SYTL2: variants seen among roughly 807,000 people sequenced by gnomAD.
The protein encoded by SYTL2 is synaptotagmin-like protein 2.
A neutral mutation model predicts 198.7 loss-of-function variants in SYTL2; 165 were observed. That is an observed-to-expected ratio of 0.83 (90% CI 0.73 to 0.94). The LOEUF is 0.94. SYTL2 is among the 40% of genes least tolerant of loss of function. The probability of loss-of-function intolerance (pLI) is 0.00; values close to 1 mark genes in which losing one functional copy is unlikely to be tolerated. For synonymous variants in SYTL2, 966 were observed against 917.7 expected (o/e 1.05, Z -0.95); for missense variants, 2,835 against 2,582.8 (o/e 1.10, Z -2.12).
chr11:85,724,553 G>C lies in SYTL2; in HGVS notation c.4805C>G (p.Thr1602Ser), dbSNP rs768366947. Residue 1602 changes from threonine to serine, a missense_variant, in exon 8 of 20, where the codon ACC becomes AGC. By Grantham distance (58) the Thr-to-Ser change is moderately conservative (BLOSUM62 1). Coordinates refer to ENST00000359152, the MANE Select transcript of SYTL2 (RefSeq NM_206927.4). ...ATGGGGCACTGTCCCCAAGAACCTG[G>C]TCTGCTCTGACTGTGAGGACTCCTT... ...HEKESSQSEQ[T>S]RFLGTVPHFY... is the part of the protein sequence containing the mutation. The C allele has an allele frequency of 4.3e-6, 7 of 1,613,884 alleles. No homozygotes were observed. The highest frequency in any genetic ancestry group is 1.1e-5 in the South Asian group (1 of 91,074).
At chr11:85,749,695 T>C (rs1005912559) in intron 2 of SYTL2, among the ~76,000 whole-genome samples, 3 of 152,220 alleles carry the variant, frequency 2.0e-5, no homozygotes, top group African/African-American at 7.2e-5. Context: ...AACGATATCA[T>C]GGTTTTTATT....
chr11:85,725,661 C>A lies in SYTL2; in HGVS notation c.3697G>T (p.Ala1233Ser). 1 of 1,614,068 alleles carries A rather than the reference C, an allele frequency of 6.2e-7. No homozygotes were observed. Among genetic ancestry groups the A allele is most frequent in the Non-Finnish European group, 8.5e-7 (1 of 1,180,016 alleles). ...GAGTTGGTTCCAGTGATAACAGGCG[C>A]CAACTTGGCTTGCAAGGGAGAGGGT... ...TSPSPLQAKL[A>S]PVITGTNSKL... Residue 1233 changes from alanine to serine, a missense_variant, in exon 8 of 20, where the codon GCG (alanine) becomes TCG (serine). Ala to Ser is a moderately conservative substitution (Grantham distance 99). Around this residue, in one of 3 missense-constraint regions of SYTL2, gnomAD observed 2,645 missense variants for 2,381.7 expected, o/e 1.11. Transcript: ENST00000359152.
the SYTL2 span, among the ~76,000 whole-genome samples, chr11:85,830,194 T>G: frequency 6.6e-6 from 1 of 152,240 alleles, no homozygotes; most frequent in South Asian, 2.1e-4. Context: ...TCAATAGGGC[T>G]GTGGTGGGCC....
At chr11:85,702,632 C>T (rs2153384367) in intron 16 of SYTL2, among the ~76,000 whole-genome samples, 1 of 152,296 alleles carries the variant, frequency 6.6e-6, no homozygotes, top group South Asian at 2.1e-4. Context: ...CACATGAAAA[C>T]TGGGCTTGTG....
intron 19 of SYTL2, among the ~76,000 whole-genome samples, chr11:85,695,917 A>G (rs2083342178): frequency 6.6e-6 from 1 of 152,202 alleles, no homozygotes; most frequent in Non-Finnish European, 1.5e-5. Flanking sequence ...TGCAGGGCAG[A>G]CTAGTGATGA....
At chr11:85,808,615 C>A (rs2092991557) in intron 1 of SYTL2, among the ~76,000 whole-genome samples, 2 of 152,054 alleles carry the variant, frequency 1.3e-5, no homozygotes. Flanking sequence ...GTACTCGAAG[C>A]CCCTAAGAAT....
At chr11:85,779,156 A>C (rs2092513058) in intron 1 of SYTL2, among the ~76,000 whole-genome samples, 1 of 152,166 alleles carries the variant, frequency 6.6e-6, no homozygotes. Context: ...ACCTATTATT[A>C]CATAGAAAAT....
intron 1 of SYTL2, among the ~76,000 whole-genome samples, chr11:85,788,951 G>C (rs1295909438): frequency 1.3e-5 from 2 of 151,280 alleles, no homozygotes; most frequent in African/African-American, 4.9e-5. Flanking sequence ...CTCAAAAATA[G>C]AATATCATTC....
At chr11:85,768,196 A>G (rs1392471679) in intron 1 of SYTL2, among the ~76,000 whole-genome samples, 1 of 152,170 alleles carries the variant, frequency 6.6e-6, no homozygotes, top group African/African-American at 2.4e-5. Context: ...CTGAGCTCCT[A>G]CTGTGTGCAA....
At chr11:85,794,824 A>T (rs1166919109) in intron 1 of SYTL2, among the ~76,000 whole-genome samples, 1 of 152,226 alleles carries the variant, frequency 6.6e-6, no homozygotes, top group Non-Finnish European at 1.5e-5. Context: ...AGAAAAGCAG[A>T]ATTTCCAGGA....
the SYTL2 span, among the ~76,000 whole-genome samples, chr11:85,829,463 G>A: frequency 2.8e-4 from 43 of 152,284 alleles, no homozygotes; most frequent in East Asian, 6.6e-3. Context: ...CGATGGGCAC[G>A]TAGGTTGATT....
chr11:85,790,622 A>G (rs1039869430), intron 1 of SYTL2, among the ~76,000 whole-genome samples: 6 of 152,162 alleles, frequency 3.9e-5, no homozygotes, highest in African/African-American at 1.4e-4. Context: ...TATTTCAAAG[A>G]CAGGCTCCCA....
At chr11:85,746,719 A>G (rs1376043012) in intron 3 of SYTL2, among the ~76,000 whole-genome samples, 4 of 152,186 alleles carry the variant, frequency 2.6e-5, no homozygotes, top group African/African-American at 7.2e-5. Context: ...GTCACCTGGT[A>G]CTAACCAGTA....
At chr11:85,816,727 T>C in the SYTL2 span, among the ~76,000 whole-genome samples, 1 of 152,154 alleles carries the variant, frequency 6.6e-6, no homozygotes, top group Middle Eastern at 3.4e-3. Flanking sequence ...CTGGGCAGCA[T>C]AGTGAGACTT....
upstream of SYTL2, among the ~76,000 whole-genome samples, chr11:85,813,399 C>T (rs2093057463): frequency 6.6e-6 from 1 of 152,200 alleles, no homozygotes; most frequent in Non-Finnish European, 1.5e-5. Context: ...TGATGCCTTG[C>T]ACATACAGTG....
the SYTL2 span, among the ~76,000 whole-genome samples, chr11:85,846,147 A>G: frequency 9.8e-5 from 15 of 152,294 alleles, no homozygotes; most frequent in African/African-American, 3.4e-4. Context: ...ATGGTGGACC[A>G]CAGTACCTAT....
At chr11:85,709,084 C>G (rs1369629209) in intron 14 of SYTL2, among the ~76,000 whole-genome samples, 1 of 151,372 alleles carries the variant, frequency 6.6e-6, no homozygotes, top group Non-Finnish European at 1.5e-5. Context: ...GTGATCCGCC[C>G]GCCTCGGCCT....
intron 12 of SYTL2, 76 bp from the exon 13 acceptor site, chr11:85,711,308 A>G (rs558241053): frequency 4.0e-6 from 6 of 1,517,302 alleles, no homozygotes; most frequent in Non-Finnish European, 5.4e-6. Context: ...TTAGGCAAAG[A>G]TGAGATTTTG....
In SYTL2 at chr11:85,757,736, G is replaced by A. The variant is rs1039288597; in HGVS notation, c.-11C>T. ...GCTTAAGTCAATCATTTTGAAAAGT[G>A]CATGCAAAAATAATAGCAACAAATG... On this transcript the variant is annotated 5_prime_UTR_variant, in exon 2 of 20. Coordinates refer to ENST00000359152, the MANE Select transcript of SYTL2 (RefSeq NM_206927.4). 5 of 1,610,472 alleles carry A rather than the reference G, an allele frequency of 3.1e-6. No individual in the cohort carries two copies. The highest frequency in any genetic ancestry group is 1.7e-5 in the Admixed American group (1 of 59,986).
Sources: gnomAD v4.1 joint callset for allele counts (sites outside exome capture counted in the v4.1 genomes callset) on GRCh38, gnomAD v4.1.1 for gene constraint, gnomAD v4.1.1 regional missense constraint, MANE v1.5 for transcripts, NCBI Gene and HGNC (gene_info 2026-07-23, HGNC 2026-07-21) for gene names.